Variants in PCSK5 observed in about 807,000 individuals in gnomAD.
PCSK5 encodes prohormone convertase 5.
Under a neutral mutation model 233.2 loss-of-function variants are expected in PCSK5, and 129 were observed. That is an observed-to-expected ratio of 0.55 (90% CI 0.48 to 0.64). PCSK5 has a LOEUF of 0.64. Ranked by LOEUF, PCSK5 falls within the 30% of genes least tolerant of loss-of-function variation. The pLI is 0.00. For synonymous variants in PCSK5, 825 were observed against 879.2 expected (o/e 0.94, Z 1.09); for missense variants, 2,076 against 2,430.1 (o/e 0.85, Z 3.06).
intron 24 of PCSK5, among the ~76,000 whole-genome samples, chr9:76,273,596 T>TATATATATATATATATATATATATATATA (rs397822892): frequency 6.2e-5 from 9 of 145,148 alleles, no homozygotes; most frequent in African/African-American, 7.6e-5. Flanking sequence ...TATATATATA[T>TATATATATATATATATATATATATATATA]TTGTACTGCT....
At chr9:76,028,765 C>T (rs1206633815) in intron 5 of PCSK5, among the ~76,000 whole-genome samples, 2 of 152,092 alleles carry the variant, frequency 1.3e-5, no homozygotes, top group African/African-American at 4.8e-5. Context: ...GGTCCCCAGC[C>T]AAGAAGGGAG....
chr9:76,171,048 C>T (rs1224119306), intron 13 of PCSK5, among the ~76,000 whole-genome samples: 1 of 152,180 alleles, frequency 6.6e-6, no homozygotes, highest in Non-Finnish European at 1.5e-5. Flanking sequence ...TATCTGTGCC[C>T]AGCTCACCTC....
chr9:75,939,258 A>C (rs1203571505), intron 2 of PCSK5, among the ~76,000 whole-genome samples: 1 of 152,236 alleles, frequency 6.6e-6, no homozygotes, highest in African/African-American at 2.4e-5. Flanking sequence ...CAGACTTCTA[A>C]CATAGAAGCA....
intron 24 of PCSK5, among the ~76,000 whole-genome samples, chr9:76,263,243 A>G (rs1827234834): frequency 6.6e-6 from 1 of 152,218 alleles, no homozygotes; most frequent in African/African-American, 2.4e-5. Flanking sequence ...ATCTAGAACT[A>G]GAAATACCAT....
chr9:76,302,099 TA>T (rs11451259), intron 27 of PCSK5, 37 bp from the exon 28 acceptor site: 39 of 856,342 alleles, frequency 4.6e-5, no homozygotes, highest in East Asian at 7.0e-5. Context: ...CTTTTTGCAT[TA>T]AAAAAAAACT....
chr9:75,921,030 TAAA>T (rs1823234101), intron 1 of PCSK5, among the ~76,000 whole-genome samples: 1 of 152,214 alleles, frequency 6.6e-6, no homozygotes, highest in African/African-American at 2.4e-5. Context: ...AGTTTTAAAA[TAAA>T]AAAGTTGTTA....
In PCSK5 at chr9:76,191,985, A is replaced by G. The variant is rs73650475; in HGVS notation, c.2626+2239A>G. On this transcript the variant is annotated intron_variant, in intron 20 of 37. Transcript: ENST00000674117. ...TCCCAGCTACTTGGGTAGCTGAAGC[A>G]TGAGAATCACTTGAACCCTGGAGGT... 2.5e-3 allele frequency among the ~76,000 whole-genome samples: 373 copies of G among 150,470 alleles called. 1 individual carries two copies. The highest frequency in any genetic ancestry group is 8.7e-3 in the African/African-American group (357 of 40,942).
chr9:76,111,132 G>C (rs1832197211), intron 9 of PCSK5, among the ~76,000 whole-genome samples: 1 of 151,962 alleles, frequency 6.6e-6, no homozygotes, highest in South Asian at 2.1e-4. Flanking sequence ...GTAAAGAAAA[G>C]AAAAAAGAGA....
chr9:76,180,725 TA>T (rs1251171530), intron 15 of PCSK5, among the ~76,000 whole-genome samples: 2 of 152,194 alleles, frequency 1.3e-5, no homozygotes, highest in Non-Finnish European at 2.9e-5. Context: ...ATTCCTGCTG[TA>T]AGTCTGCTGG....
Position 76,358,835 on chromosome 9 carries a change from C to G in PCSK5, c.5577C>G (p.Val1859=). Residue 1859 remains valine (V), a synonymous_variant, in exon 38 of 38, where the codon GTC becomes GTG. Coordinates refer to ENST00000674117, the MANE Select transcript of PCSK5 (RefSeq NM_001372043.1). ...TCTACATGGGCCAGGATGGCACAGT[C>G]TACCGGAAATTTAAATATGGGCTGC... ...DIVYMGQDGT[V]YRKFKYGLLD... is the part of the protein sequence containing the mutation. 1 of 1,612,832 alleles carries G rather than the reference C, an allele frequency of 6.2e-7. No individual in the cohort carries two copies. Among genetic ancestry groups the G allele is most frequent in the African/African-American group, 1.3e-5 (1 of 75,026 alleles).
intron 20 of PCSK5, among the ~76,000 whole-genome samples, chr9:76,200,689 G>A (rs1311299510): frequency 3.9e-5 from 6 of 152,192 alleles, no homozygotes; most frequent in African/African-American, 9.7e-5. Flanking sequence ...AAGGATATTC[G>A]AGAGAGAGAA....
intron 2 of PCSK5, among the ~76,000 whole-genome samples, chr9:75,972,480 T>G (rs1825850948): frequency 6.6e-6 from 1 of 152,214 alleles, no homozygotes; most frequent in Non-Finnish European, 1.5e-5. Flanking sequence ...AGTATGACCA[T>G]TTTCACGATG....
At chr9:75,932,546 A>T in intron 2 of PCSK5, 63 bp downstream of exon 2, 1 of 939,266 alleles carries the variant, frequency 1.1e-6, no homozygotes. Flanking sequence ...ATTGGTAATA[A>T]CACACTAGGG....
chr9:76,159,203 T>C (rs1238451597), intron 12 of PCSK5, 32 bp downstream of exon 12: 3 of 1,591,052 alleles, frequency 1.9e-6, no homozygotes, highest in South Asian at 1.1e-5. Context: ...ACCAGTGTAG[T>C]AGTCACAGCG....
chr9:75,968,623 A>G (rs544087029), intron 2 of PCSK5, among the ~76,000 whole-genome samples: 1 of 152,314 alleles, frequency 6.6e-6, no homozygotes, highest in South Asian at 2.1e-4. Flanking sequence ...ACTGAAGTCC[A>G]CTGCAAGAGC....
chr9:76,135,385 T>C (rs191902085), intron 10 of PCSK5, among the ~76,000 whole-genome samples: 6 of 152,130 alleles, frequency 3.9e-5, no homozygotes, highest in African/African-American at 1.2e-4. Context: ...AATTATTTGA[T>C]TAATATCTTC....
rs187869654 is a variant in PCSK5, at chr9:76,225,095, C to T, written c.2627-2408C>T. On this transcript the variant is annotated intron_variant, in intron 20 of 37. Coordinates refer to ENST00000674117, the MANE Select transcript of PCSK5 (RefSeq NM_001372043.1). The stretch of plus-strand genomic sequence containing the variant: ...GTCAAGGCAAAGTAATTGTCTTTGC[C>T]TCTGGGTCTAGCAGAGTCCTGTGTA... Among the ~76,000 whole-genome samples the T allele has an allele frequency of 7.2e-5, 11 of 152,262 alleles. No homozygotes were observed. In the East Asian group the frequency reaches 7.7e-4, roughly 11 times the overall value.
intron 5 of PCSK5, among the ~76,000 whole-genome samples, chr9:76,053,684 G>A (rs544340446): frequency 6.6e-6 from 1 of 152,196 alleles, no homozygotes; most frequent in Non-Finnish European, 1.5e-5. Flanking sequence ...ACCACCTCAG[G>A]CTGAACTTTA....
intron 1 of PCSK5, 36 bp from the exon 2 acceptor site, chr9:75,932,343 T>C (rs1823846908): frequency 1.5e-6 from 2 of 1,310,904 alleles, no homozygotes; most frequent in Non-Finnish European, 2.2e-6. Flanking sequence ...ATTAATGTCT[T>C]TTTTTTGTTC....
Sources: gnomAD v4.1 joint callset for allele counts (sites outside exome capture counted in the v4.1 genomes callset) on GRCh38, gnomAD v4.1.1 for gene constraint, MANE v1.5 for transcripts, NCBI Gene and HGNC (gene_info 2026-07-23, HGNC 2026-07-21) for gene names.